The following NOD2 variants were observed in gnomAD, a reference collection of about 807,000 sequenced individuals.
The protein encoded by NOD2 is nucleotide binding oligomerization domain containing 2, also known as nucleotide-binding oligomerization domain-containing protein 2.
A neutral mutation model predicts 90.9 loss-of-function variants in NOD2; 86 were observed. That is an observed-to-expected ratio of 0.95 (90% CI 0.79 to 1.13). The LOEUF (loss-of-function observed/expected upper bound fraction) is 1.13. NOD2 is among the 50% of genes most tolerant of loss of function. The pLI, the probability that NOD2 is intolerant of heterozygous loss-of-function variation, is 0.00. For synonymous variants in NOD2, 581 were observed against 554.6 expected (o/e 1.05, Z -0.67); for missense variants, 1,238 against 1,283.8 (o/e 0.96, Z 0.55).
At chr16:50,731,689 G>A in intron 11 of NOD2, 58 bp from the exon 12 acceptor site, 1 of 1,203,564 alleles carries the variant, frequency 8.3e-7, no homozygotes, top group East Asian at 2.3e-5. Flanking sequence ...GCTTTTGTTT[G>A]AAAGCCCTGC....
In NOD2 at chr16:50,699,582, C is replaced by G. The variant is rs774456364; in HGVS notation, c.87C>G (p.Val29=). 3.7e-6 allele frequency: 6 copies of G among 1,613,984 alleles called. No individual in the cohort carries two copies. Among genetic ancestry groups the G allele is most frequent in the South Asian group, 3.3e-5 (3 of 91,090 alleles). Residue 29 remains valine (V), a synonymous_variant, in exon 2 of 12, where the codon GTC becomes GTG. Transcript: ENST00000647318. ...VSGSLEGFES[V]LDWLLSWEVL... is the part of the protein sequence containing the mutation. ...GGTCCCTGGAAGGCTTCGAGAGTGT[C>G]CTGGACTGGCTGCTGTCCTGGGAGG...
Position 50,699,637 on chromosome 16 carries a change from C to T in NOD2, c.142C>T (p.His48Tyr). Residue 48 changes from histidine (H) to tyrosine (Y), a missense_variant, in exon 2 of 12, where the codon CAC becomes TAC. By Grantham distance (83) the His-to-Tyr change is moderately conservative (BLOSUM62 2). Around this residue, in one of 3 missense-constraint regions of NOD2, gnomAD observed 567 missense variants for 577.3 expected, o/e 0.98. Transcript: ENST00000647318. ...CTCCTGGGAGGACTACGAGGGCTTC[C>T]ACCTCCTGGGCCAGCCTCTCTCCCA... ...VLSWEDYEGF[H>Y]LLGQPLSHLA... The T allele has an allele frequency of 6.2e-7, 1 of 1,614,098 alleles. No individual in the cohort carries two copies. Among genetic ancestry groups the T allele is most frequent in the South Asian group, 1.1e-5 (1 of 91,080 alleles).
In NOD2 at chr16:50,731,938, T is replaced by A; in HGVS notation, c.*119T>A. The A allele has an allele frequency of 1.3e-6, 1 of 766,998 alleles. No individual in the cohort carries two copies. The highest frequency in any genetic ancestry group is 1.9e-5 in the Admixed American group (1 of 53,234). 47.5% of individuals were successfully genotyped at this position (766,998 alleles called of 1,614,324 possible). Reference sequence around the variant, plus strand: ...AAATGAGCCCTGTCCTGCCTAAGGCTGAACTTGTTTTCTGGGAACACCATA... The same window carrying A: ...AAATGAGCCCTGTCCTGCCTAAGGCAGAACTTGTTTTCTGGGAACACCATA... On this transcript the variant is annotated 3_prime_UTR_variant, in exon 12 of 12. Coordinates refer to ENST00000647318, the MANE Select transcript of NOD2 (RefSeq NM_001370466.1).
At chr16:50,710,285 A>T (rs529773068) in intron 3 of NOD2, among the ~76,000 whole-genome samples, 2 of 152,330 alleles carry the variant, frequency 1.3e-5, no homozygotes, top group South Asian at 4.1e-4. Flanking sequence ...TGTGCTAAGC[A>T]CTTGACATAG....
chr16:50,719,689 T>C (rs1472458708), intron 6 of NOD2: 1 of 653,446 alleles, frequency 1.5e-6, no homozygotes, highest in Non-Finnish European at 2.8e-6. Flanking sequence ...CTGCCTGGAA[T>C]TGTCACACTG....
In NOD2 at chr16:50,697,404, G is replaced by A. The variant is rs375389168; in HGVS notation, c.-8-2084G>A. 16 of 1,217,686 alleles carry A rather than the reference G, an allele frequency of 1.3e-5. No individual in the cohort carries two copies. The South Asian group carries it at 1.8e-4, about 14-fold the overall frequency. The allele number at this position is 1,217,686 out of a possible 1,614,324, so 75.4% of individuals were successfully genotyped here. A position where few individuals can be genotyped will look rare whatever the true frequency, so the allele number is the denominator to read the frequency against. On this transcript the variant is annotated intron_variant, in intron 1 of 11. Transcript: ENST00000647318. ...CGACATGCTCCCAGGCCTGGGGTCA[G>A]ATGGGGAGTGCTGACTCTGTTTCTG...
rs375012324 is a variant in NOD2, at chr16:50,719,970, C to G, written c.2595C>G (p.Ala865=). ...CTGCCGCGGGAGCCCAAGTGCTGGC[C>G]GAGGGGCTCCGAGGCAACACCTCCT... ...YITAAGAQVL[A]EGLRGNTSLQ... The change falls in exon 7 of 12, where the codon GCC becomes GCG. Residue 865 remains alanine, a synonymous_variant. Transcript: ENST00000647318. 9.3e-6 allele frequency: 15 copies of G among 1,614,066 alleles called. No individual in the cohort carries two copies. The African/African-American group carries it at 2.0e-4, about 22-fold the overall frequency.
chr16:50,715,352 C>G (rs1483553563), intron 4 of NOD2, among the ~76,000 whole-genome samples: 1 of 151,892 alleles, frequency 6.6e-6, no homozygotes, highest in Non-Finnish European at 1.5e-5. Context: ...GTGACTTTTA[C>G]TGTGTACCGG....
chr16:50,699,360 G>C, intron 1 of NOD2, 128 bp from the exon 2 acceptor site: 2 of 746,036 alleles, frequency 2.7e-6, no homozygotes, highest in Non-Finnish European at 4.7e-6. Flanking sequence ...AGCTTGGATT[G>C]GGTAATGTCT....
At chr16:50,715,030 A>G (rs77238200) in intron 4 of NOD2, among the ~76,000 whole-genome samples, 5 of 152,284 alleles carry the variant, frequency 3.3e-5, no homozygotes, top group Non-Finnish European at 5.9e-5. Flanking sequence ...GGACCTTCAA[A>G]ATGATTTGCA....
At chr16:50,699,283 A>C (rs1963812009) in intron 1 of NOD2, among the ~76,000 whole-genome samples, 1 of 151,812 alleles carries the variant, frequency 6.6e-6, no homozygotes, top group African/African-American at 2.4e-5. Context: ...GTTGCTTCAA[A>C]CTCTGTGGAA....
chr16:50,712,982 C>T lies in NOD2; in HGVS notation c.2381+609C>T, dbSNP rs1473911643. ...AACTACTGTTGGATTCCTGAGGTAG[C>T]ACAGTGTCCAAACAGGATTTCAGCA... On this transcript the variant is annotated intron_variant, in intron 4 of 11. Coordinates refer to ENST00000647318, the MANE Select transcript of NOD2 (RefSeq NM_001370466.1). 4 of 163,784 alleles carry T rather than the reference C, an allele frequency of 2.4e-5. No individual in the cohort carries two copies. In the East Asian group the frequency reaches 5.0e-4, roughly 21 times the overall value. The allele number at this position is 163,784 out of a possible 1,614,324, so 10.1% of individuals were successfully genotyped here.
chr16:50,715,188 TG>T (rs1005231152), intron 4 of NOD2, among the ~76,000 whole-genome samples: 45 of 152,346 alleles, frequency 3.0e-4, no homozygotes, highest in Middle Eastern at 3.4e-3. Context: ...CGTACAACCT[TG>T]GCAAAGTCAC....
At position 50,729,870 on chromosome 16, in the gene NOD2, C is replaced by T. The variant is rs761083670; in HGVS notation, c.2938C>T (p.Leu980Phe). The T allele has an allele frequency of 4.3e-6, 7 of 1,613,022 alleles. No homozygotes were observed. The highest frequency in any genetic ancestry group is 5.9e-6 in the Non-Finnish European group (7 of 1,179,270). Residue 980 changes from leucine to phenylalanine, a missense_variant, in exon 11 of 12, where the codon CTT (leucine) becomes TTT (phenylalanine). Physicochemically the swap from Leu to Phe is conservative, Grantham distance 22. Coordinates refer to ENST00000647318, the MANE Select transcript of NOD2 (RefSeq NM_001370466.1). ...AGGGGCAGAAGCCCTCCTGCAGGCC[C>T]TTGAAAGGAATGACACCATCCTGGA... ...YLGAEALLQA[L>F]ERNDTILEVW...
intron 2 of NOD2, among the ~76,000 whole-genome samples, chr16:50,703,874 C>T (rs1964058490): frequency 6.6e-6 from 1 of 151,996 alleles, no homozygotes; most frequent in African/African-American, 2.4e-5. Flanking sequence ...GGGCTCATTG[C>T]AACTGGAGGG....
Position 50,722,541 on chromosome 16 carries a change from G to A in NOD2, c.2634-81G>A, listed in dbSNP as rs104895465. On this transcript the variant is annotated intron_variant, in intron 7 of 11. Coordinates refer to ENST00000647318, the MANE Select transcript of NOD2 (RefSeq NM_001370466.1). Reference sequence around the variant, plus strand: ...TGCCCCTCTGGCTGGGACTGCAGAGGGAGGAGGACTGTTAGTTCATGTCTA... The same window carrying A: ...TGCCCCTCTGGCTGGGACTGCAGAGAGAGGAGGACTGTTAGTTCATGTCTA... 1.5e-6 allele frequency: 2 copies of A among 1,341,760 alleles called. No homozygotes were observed. Among genetic ancestry groups the A allele is most frequent in the Middle Eastern group, 1.8e-4 (1 of 5,540 alleles). The allele number at this position is 1,341,760 out of a possible 1,614,324, so 83.1% of individuals were successfully genotyped here.
rs2111234 is a variant in NOD2 at position 50,700,122 on chromosome 16, G to A, written c.459+168G>A. Among the ~76,000 whole-genome samples the A allele has an allele frequency of 0.65, 98,056 of 151,992 alleles. 32,403 individuals carry two copies. Among genetic ancestry groups the A allele is most frequent in the Non-Finnish European group, 0.69 (47,076 of 67,968 alleles). On this transcript the variant is annotated intron_variant, in intron 2 of 11. Coordinates refer to ENST00000647318, the MANE Select transcript of NOD2 (RefSeq NM_001370466.1). ...TTGCTCTTGACTCTTGGCAGGAAAC[G>A]TACAACTCTTTCTTTCTTCTTTTCT...
intron 4 of NOD2, 89 bp from the exon 5 acceptor site, chr16:50,716,498 G>T: frequency 1.6e-6 from 2 of 1,251,442 alleles, no homozygotes; most frequent in Non-Finnish European, 1.1e-6. Context: ...GGCACTTCAG[G>T]GATGAATGAA....
At chr16:50,718,612 C>G (rs1455035595) in intron 6 of NOD2, among the ~76,000 whole-genome samples, 1 of 152,146 alleles carries the variant, frequency 6.6e-6, no homozygotes, top group East Asian at 1.9e-4. Flanking sequence ...CCAGACTGCC[C>G]GAGGTTTGAA....
Sources: allele counts gnomAD v4.1 joint callset (sites outside exome capture counted in the v4.1 genomes callset), GRCh38; gene constraint gnomAD v4.1.1; regional missense constraint gnomAD v4.1.1; transcripts MANE v1.5; gene names NCBI Gene and HGNC (gene_info 2026-07-23, HGNC 2026-07-21).